The following MGA variants were observed in gnomAD, a reference collection of about 807,000 sequenced individuals.
MGA encodes MAX gene-associated protein.
Under a neutral mutation model 261.1 loss-of-function variants are expected in MGA, and 40 were observed. That is an observed-to-expected ratio of 0.15 (90% CI 0.12 to 0.20). The LOEUF (loss-of-function observed/expected upper bound fraction) is 0.20. Ranked by LOEUF, MGA falls within the 10% of genes least tolerant of loss-of-function variation. MGA has a pLI of 1.00. For synonymous variants in MGA, 1,302 were observed against 1,290.6 expected (o/e 1.01, Z -0.19); for missense variants, 3,397 against 3,630.5 (o/e 0.94, Z 1.65).
chr15:41,705,014 C>G (rs925690975), intron 5 of MGA, among the ~76,000 whole-genome samples: 1 of 152,140 alleles, frequency 6.6e-6, no homozygotes, highest in Non-Finnish European at 1.5e-5. Flanking sequence ...ATTTTAGGTT[C>G]TAAGTAGGCT....
chr15:41,721,461 C>T (rs960922359), intron 9 of MGA, among the ~76,000 whole-genome samples: 16 of 152,280 alleles, frequency 1.1e-4, no homozygotes, highest in African/African-American at 3.8e-4. Flanking sequence ...GAACGAGACT[C>T]TGTCTCAAAA....
upstream of MGA, among the ~76,000 whole-genome samples, chr15:41,659,312 C>T (rs1281667974): frequency 6.6e-6 from 1 of 152,138 alleles, no homozygotes; most frequent in African/African-American, 2.4e-5. Flanking sequence ...TTGGATAAGC[C>T]TCCTTCTGTT....
chr15:41,663,114 G>A (rs971938667), intron 1 of MGA, among the ~76,000 whole-genome samples: 11 of 152,092 alleles, frequency 7.2e-5, no homozygotes, highest in African/African-American at 2.7e-4. Context: ...GGTCACTGGT[G>A]AAAAGACATT....
intron 1 of MGA, among the ~76,000 whole-genome samples, chr15:41,645,228 A>G (rs180796559): frequency 4.6e-5 from 7 of 152,336 alleles, no homozygotes; most frequent in Admixed American, 2.6e-4. Flanking sequence ...GGTCCTGCCA[A>G]TTACTCATAT....
chr15:41,632,724 CT>C (rs1313987456), intron 1 of MGA, among the ~76,000 whole-genome samples: 3 of 151,556 alleles, frequency 2.0e-5, no homozygotes, highest in Non-Finnish European at 4.4e-5. Flanking sequence ...TAAAGCGTTT[CT>C]TTTCTCAAAA....
chr15:41,735,067 G>C (rs1198352577), intron 12 of MGA, among the ~76,000 whole-genome samples: 2 of 152,164 alleles, frequency 1.3e-5, no homozygotes, highest in Non-Finnish European at 2.9e-5. Flanking sequence ...TGCTTCCCGA[G>C]ACTTCTGACA....
At chr15:41,727,548 T>A in intron 10 of MGA, 142 bp downstream of exon 10, 1 of 775,502 alleles carries the variant, frequency 1.3e-6, no homozygotes, top group Non-Finnish European at 2.1e-6. Flanking sequence ...CTTTCTGGTT[T>A]AATCAGTTTA....
chr15:41,698,230 A>G (rs1160786454), intron 3 of MGA, among the ~76,000 whole-genome samples: 1 of 115,022 alleles, frequency 8.7e-6, no homozygotes, highest in Non-Finnish European at 1.7e-5. Flanking sequence ...GTGCAGTGGC[A>G]CAATCTTGGC....
intron 13 of MGA, chr15:41,739,935 G>A: frequency 6.2e-7 from 1 of 1,612,538 alleles, no homozygotes; most frequent in Non-Finnish European, 8.5e-7. Flanking sequence ...CGCAGGCTAA[G>A]TTGCTATTGG....
chr15:41,621,620 T>C (rs575759907), intron 1 of MGA: 2 of 151,400 alleles, frequency 1.3e-5, no homozygotes, highest in South Asian at 2.1e-4. Context: ...TGCCACGCGC[T>C]ACGCCCGTCC....
rs35282917 is a variant in MGA at position 41,752,549 on chromosome 15, G to GTTTT, written c.7009-1866_7009-1863dup. 7.8e-3 allele frequency among the ~76,000 whole-genome samples: 800 copies of GTTTT among 102,098 alleles called. 13 individuals carry two copies. Among genetic ancestry groups the GTTTT allele is most frequent in the Non-Finnish European group, 0.013 (678 of 53,772 alleles). The allele number at this position is 102,098 out of a possible 152,430, so 67.0% of individuals were successfully genotyped here. A position where few individuals can be genotyped will look rare whatever the true frequency, so the allele number is the denominator to read the frequency against. On this transcript the variant is annotated intron_variant, in intron 17 of 23. Transcript: ENST00000219905. ...GAACTTACATAATAGAACCTTTAAA[G>GTTTT]TTTTTTTTTTTTTTTTTTTTTTTTT...
chr15:41,702,461 A>T (rs982394108), intron 5 of MGA, among the ~76,000 whole-genome samples: 4 of 152,160 alleles, frequency 2.6e-5, no homozygotes, highest in African/African-American at 9.7e-5. Context: ...CTAAAATTTG[A>T]TTCTTGAAAT....
chr15:41,760,835 C>G (rs2063412845), intron 20 of MGA, among the ~76,000 whole-genome samples: 1 of 152,138 alleles, frequency 6.6e-6, no homozygotes, highest in Non-Finnish European at 1.5e-5. Context: ...CTCATGGGTT[C>G]AAGCGATTCT....
rs944920443 is a variant in MGA, at chr15:41,702,879, T to C, written c.2188+3720T>C. Among the ~76,000 whole-genome samples, 4 of 152,324 alleles carry C rather than the reference T, an allele frequency of 2.6e-5. 1 individual carries two copies. Among genetic ancestry groups the C allele is most frequent in the South Asian group, 4.1e-4 (2 of 4,830 alleles). ...TTGTCAGTTTTTTATTAAAGCTTTATGTTTTGGAAGAGTTTTAGATTTATA... is the reference window on the plus strand; with the variant it reads ...TTGTCAGTTTTTTATTAAAGCTTTACGTTTTGGAAGAGTTTTAGATTTATA... On this transcript the variant is annotated intron_variant, in intron 5 of 23. Transcript: ENST00000219905.
chr15:41,719,003 A>T (rs1275280678), intron 9 of MGA, among the ~76,000 whole-genome samples: 28 of 152,168 alleles, frequency 1.8e-4, no homozygotes, highest in Admixed American at 1.3e-3. Flanking sequence ...AATCCTAGGG[A>T]ATCTACAAAA....
At chr15:41,626,974 C>T (rs1653534787) in intron 1 of MGA, among the ~76,000 whole-genome samples, 1 of 152,138 alleles carries the variant, frequency 6.6e-6, no homozygotes, top group South Asian at 2.1e-4. Context: ...AAGTGATCCT[C>T]CCACTTCAGC....
At chr15:41,672,477 A>G (rs1371331699) in intron 2 of MGA, among the ~76,000 whole-genome samples, 1 of 152,124 alleles carries the variant, frequency 6.6e-6, no homozygotes, top group Non-Finnish European at 1.5e-5. Context: ...TTGTTATAGA[A>G]AGCAGCTGTT....
chr15:41,763,092 C>CTTTTTTTTTTTTTTTTTTTTTTTT (rs71108131), intron 22 of MGA, among the ~76,000 whole-genome samples: 1 of 63,952 alleles, frequency 1.6e-5, no homozygotes, highest in African/African-American at 5.9e-5. Context: ...TTCTTTCTTC[C>CTTTTTTTTTTTTTTTTTTTTTTTT]TTTTTTTTTT....
intron 1 of MGA, among the ~76,000 whole-genome samples, chr15:41,664,440 T>C (rs2057606451): frequency 6.6e-6 from 1 of 152,254 alleles, no homozygotes. Context: ...TTCTCTGTCT[T>C]GGTTTTACTG....
Sources: allele counts gnomAD v4.1 joint callset (sites outside exome capture counted in the v4.1 genomes callset), GRCh38; gene constraint gnomAD v4.1.1; transcripts MANE v1.5; gene names NCBI Gene and HGNC (gene_info 2026-07-23, HGNC 2026-07-21).